The following FAM174B variants were observed in gnomAD, a reference collection of about 807,000 sequenced individuals.
The protein encoded by FAM174B is membrane protein FAM174B.
FAM174B carries 12 observed loss-of-function variants against 10.9 expected under a neutral mutation model. The ratio of observed to expected loss-of-function variants is 1.10; its 90% CI spans 0.71 to 1.79. The LOEUF is 1.79. Ranked by LOEUF, FAM174B falls within the 40% of genes most tolerant of loss-of-function variation. FAM174B has a pLI of 0.00. For missense variants in FAM174B, 266 were observed against 233.3 expected, an observed-to-expected ratio of 1.14 and a Z score of -0.91; for synonymous variants, 132 against 115.8, an observed-to-expected ratio of 1.14 and a Z score of -0.90.
intron 1 of FAM174B, among the ~76,000 whole-genome samples, chr15:92,639,751 C>A (rs932080545): frequency 2.6e-5 from 4 of 151,986 alleles, no homozygotes; most frequent in African/African-American, 9.7e-5. Flanking sequence ...GTGGGTGATA[C>A]CTCCCGCCTT....
intron 1 of FAM174B, among the ~76,000 whole-genome samples, chr15:92,642,387 A>G (rs1371538382): frequency 6.6e-6 from 1 of 152,250 alleles, no homozygotes; most frequent in African/African-American, 2.4e-5. Context: ...ATTATTCATA[A>G]TAGCCCCAAA....
chr15:92,626,253 C>T (rs1254310593), intron 2 of FAM174B, among the ~76,000 whole-genome samples: 2 of 151,848 alleles, frequency 1.3e-5, no homozygotes, highest in East Asian at 1.9e-4. Flanking sequence ...CGCCAGCCAC[C>T]GTGCCCGGCT....
At chr15:92,631,496 A>ATG (rs1467410844) in intron 1 of FAM174B, among the ~76,000 whole-genome samples, 1 of 97,566 alleles carries the variant, frequency 1.0e-5, no homozygotes, top group East Asian at 2.6e-4. Context: ...ATATATATAT[A>ATG]ATTCTTTTTT....
chr15:92,619,340 CG>C lies in FAM174B; in HGVS notation c.*115del. The C allele has an allele frequency of 8.7e-7, 1 of 1,143,502 alleles. No homozygotes were observed. Among genetic ancestry groups the C allele is most frequent in the East Asian group, 2.4e-5 (1 of 42,136 alleles). 70.8% of individuals were successfully genotyped at this position (1,143,502 alleles called of 1,614,324 possible). A position where few individuals can be genotyped will look rare whatever the true frequency, so the allele number is the denominator to read the frequency against. ...GATGGAGCTGGGGTTTTATACATAA[CG>C]TTCGTTTTGGTTTCAACACCTCCGA... On this transcript the variant is annotated 3_prime_UTR_variant, in exon 3 of 3. Coordinates refer to ENST00000327355, the MANE Select transcript of FAM174B (RefSeq NM_207446.3).
intron 1 of FAM174B, among the ~76,000 whole-genome samples, chr15:92,630,888 G>A (rs62637740): frequency 0.074 from 2,757 of 37,338 alleles, 386 homozygotes; most frequent in Non-Finnish European, 0.17. Context: ...TATATATTAC[G>A]TATTACATAT....
chr15:92,647,956 C>T (rs1038780835), intron 1 of FAM174B, among the ~76,000 whole-genome samples: 1 of 152,172 alleles, frequency 6.6e-6, no homozygotes, highest in African/African-American at 2.4e-5. Context: ...GTCTCCACAA[C>T]CCCCCTTATC....
At position 92,631,420 on chromosome 15, in the gene FAM174B, A is replaced by AATATATT. The variant is rs2050814993; in HGVS notation, c.345-1076_345-1075insAATATAT. On this transcript the variant is annotated intron_variant, in intron 1 of 2. Coordinates refer to ENST00000327355, the MANE Select transcript of FAM174B (RefSeq NM_207446.3). Reference sequence around the variant, plus strand: ...TTATATTATATTATATATAATATATAATATATAATATAATATATTATATAT... The same window carrying AATATATT: ...TTATATTATATTATATATAATATATAATATATTATATATAATATAATATATTATATAT... Among the ~76,000 whole-genome samples the AATATATT allele has an allele frequency of 8.8e-5, 4 of 45,342 alleles. No homozygotes were observed. In the South Asian group the frequency reaches 1.3e-3, roughly 15 times the overall value. 29.7% of individuals were successfully genotyped at this position (45,342 alleles called of 152,430 possible).
In FAM174B at chr15:92,619,065, T is replaced by C. The variant is rs182911934; in HGVS notation, c.*391A>G. The C allele has an allele frequency of 3.2e-6, 2 of 618,194 alleles. No individual in the cohort carries two copies. Among genetic ancestry groups the C allele is most frequent in the Admixed American group, 2.6e-5 (1 of 37,998 alleles). The allele number at this position is 618,194 out of a possible 1,614,324, so 38.3% of individuals were successfully genotyped here. ...ATTCTAAATACACAGTTGGACATCC[T>C]TCAGGCTTGTTTTAGATTCTTGATC... On this transcript the variant is annotated 3_prime_UTR_variant, in exon 3 of 3. Transcript: ENST00000327355.
At chr15:92,648,328 A>G (rs2050942073) in intron 1 of FAM174B, among the ~76,000 whole-genome samples, 1 of 152,174 alleles carries the variant, frequency 6.6e-6, no homozygotes, top group Admixed American at 6.5e-5. Context: ...GCATTATCCT[A>G]TGCCTTAGAT....
chr15:92,619,634 C>A (rs1313443320), intron 2 of FAM174B, 175 bp from the exon 3 acceptor site: 36 of 660,046 alleles, frequency 5.5e-5, no homozygotes, highest in Non-Finnish European at 8.7e-5. Flanking sequence ...TTCCAGCAAA[C>A]CCCCTCCCTC....
intron 1 of FAM174B, among the ~76,000 whole-genome samples, chr15:92,651,074 T>C (rs2050963546): frequency 6.6e-6 from 1 of 152,188 alleles, no homozygotes; most frequent in Non-Finnish European, 1.5e-5. Flanking sequence ...GGCTCAACTA[T>C]GGTAGAAAAT....
chr15:92,646,681 A>C (rs1478610416), intron 1 of FAM174B, among the ~76,000 whole-genome samples: 1 of 152,176 alleles, frequency 6.6e-6, no homozygotes. Flanking sequence ...TTCTCTCCAA[A>C]GCCTGCCACC....
chr15:92,643,777 G>A (rs1347782381), intron 1 of FAM174B, among the ~76,000 whole-genome samples: 1 of 152,094 alleles, frequency 6.6e-6, no homozygotes, highest in Non-Finnish European at 1.5e-5. Context: ...ATAGTGGGCT[G>A]TTTCCATTTT....
intron 1 of FAM174B, among the ~76,000 whole-genome samples, chr15:92,654,707 C>T (rs2050988962): frequency 6.6e-6 from 1 of 152,020 alleles, no homozygotes; most frequent in African/African-American, 2.4e-5. Flanking sequence ...AGCTCCAACC[C>T]CTGGTGCAAA....
chr15:92,638,509 A>C (rs2050870241), intron 1 of FAM174B, among the ~76,000 whole-genome samples: 1 of 152,188 alleles, frequency 6.6e-6, no homozygotes, highest in South Asian at 2.1e-4. Context: ...GAAGAGAATA[A>C]AACAGGACTA....
intron 2 of FAM174B, among the ~76,000 whole-genome samples, chr15:92,628,913 A>G (rs925896461): frequency 6.6e-6 from 1 of 152,210 alleles, no homozygotes; most frequent in Non-Finnish European, 1.5e-5. Flanking sequence ...ACTGAAAAAC[A>G]TTTTTTTAAA....
At chr15:92,635,188 C>T (rs892750079) in intron 1 of FAM174B, among the ~76,000 whole-genome samples, 1 of 151,602 alleles carries the variant, frequency 6.6e-6, no homozygotes, top group African/African-American at 2.4e-5. Context: ...CACACACACA[C>T]ACACACACAC....
At chr15:92,647,192 G>C (rs937996839) in intron 1 of FAM174B, among the ~76,000 whole-genome samples, 25 of 152,164 alleles carry the variant, frequency 1.6e-4, no homozygotes, top group Admixed American at 3.9e-4. Flanking sequence ...CAATTTCCAA[G>C]TGATTTCACA....
chr15:92,655,503 TC>T lies in FAM174B; in HGVS notation c.156del (p.Asn53ThrfsTer26). ...GCCCCAGACCCAAACCGGGTGGTGTTCCCGGGCCCCGGGCCGGGCGGTGGCC... is the reference window on the plus strand; with the variant it reads ...GCCCCAGACCCAAACCGGGTGGTGTTCCGGGCCCCGGGCCGGGCGGTGGCC... The part of the protein sequence containing the change: ...ESRPPPGPGP[G>X]NTTRFGSGAA... On this transcript the variant is annotated frameshift_variant, in exon 1 of 3. Transcript: ENST00000327355. LOFTEE classifies it high-confidence loss of function. 3 of 1,508,952 alleles carry T rather than the reference TC, an allele frequency of 2.0e-6. No individual in the cohort carries two copies. The highest frequency in any genetic ancestry group is 2.7e-6 in the Non-Finnish European group (3 of 1,129,738). 93.5% of individuals were successfully genotyped at this position (1,508,952 alleles called of 1,614,324 possible).
Sources: allele counts gnomAD v4.1 joint callset (sites outside exome capture counted in the v4.1 genomes callset), GRCh38; gene constraint gnomAD v4.1.1; transcripts MANE v1.5; gene names NCBI Gene and HGNC (gene_info 2026-07-23, HGNC 2026-07-21).